TLL1: variants seen among roughly 807,000 people sequenced by gnomAD.
TLL1 encodes the protein tolloid-like protein 1.
Under a neutral mutation model 128.2 loss-of-function variants are expected in TLL1, and 49 were observed. The ratio of observed to expected loss-of-function variants is 0.38; its 90% CI spans 0.30 to 0.48. TLL1 has a LOEUF of 0.48. TLL1 is among the 20% of genes least tolerant of loss of function. The pLI is 0.96. For missense variants in TLL1, 1,123 were observed against 1,242.0 expected, an observed-to-expected ratio of 0.90 and a Z score of 1.44; for synonymous variants, 454 against 418.8, an observed-to-expected ratio of 1.08 and a Z score of -1.03.
At chr4:165,876,756 T>C (rs1579430382) in intron 1 of TLL1, among the ~76,000 whole-genome samples, 1 of 152,224 alleles carries the variant, frequency 6.6e-6, no homozygotes, top group East Asian at 1.9e-4. Flanking sequence ...ATTTGACAAT[T>C]ACACTGCATT....
At chr4:166,044,978 C>A (rs114693093) in intron 12 of TLL1, among the ~76,000 whole-genome samples, 1,857 of 152,166 alleles carry the variant, frequency 0.012, 42 homozygotes, top group African/African-American at 0.042. Flanking sequence ...TGACAGTCTT[C>A]AAAAATAAGA....
chr4:165,967,445 T>C (rs192950823), intron 1 of TLL1, among the ~76,000 whole-genome samples: 3 of 152,326 alleles, frequency 2.0e-5, no homozygotes, highest in African/African-American at 7.2e-5. Context: ...TGTTCAGAGA[T>C]TGCAATAAAG....
At chr4:166,086,196 A>G (rs1243485269) in intron 18 of TLL1, among the ~76,000 whole-genome samples, 1 of 152,124 alleles carries the variant, frequency 6.6e-6, no homozygotes, top group Admixed American at 6.6e-5. Context: ...TTATTTAAAT[A>G]TAATATATAT....
intron 16 of TLL1, 54 bp downstream of exon 16, chr4:166,065,917 G>T (rs899815379): frequency 4.0e-6 from 5 of 1,244,326 alleles, no homozygotes; most frequent in African/African-American, 4.0e-5. Context: ...ATGTGGGTTG[G>T]ATTAAATTGT....
intron 1 of TLL1, among the ~76,000 whole-genome samples, chr4:165,931,697 C>T (rs572423525): frequency 0.013 from 1,540 of 116,132 alleles, 27 homozygotes; most frequent in Middle Eastern, 0.024. Context: ...CCAGCCTGGG[C>T]GACAGAGTAA....
At chr4:166,072,671 G>C (rs1189913303) in intron 16 of TLL1, among the ~76,000 whole-genome samples, 1 of 151,732 alleles carries the variant, frequency 6.6e-6, no homozygotes, top group African/African-American at 2.4e-5. Context: ...TTGGATATTA[G>C]GGATATTTTA....
intron 1 of TLL1, among the ~76,000 whole-genome samples, chr4:165,895,175 A>G (rs1731614261): frequency 6.6e-6 from 1 of 152,158 alleles, no homozygotes; most frequent in South Asian, 2.1e-4. Context: ...CAAGAATAAG[A>G]AATCAAAGGA....
At chr4:165,913,294 C>T (rs529811976) in intron 1 of TLL1, among the ~76,000 whole-genome samples, 1 of 152,230 alleles carries the variant, frequency 6.6e-6, no homozygotes, top group East Asian at 1.9e-4. Context: ...TAGTTTATAT[C>T]CTTATGTTGC....
chr4:165,938,179 G>A (rs1016339605), intron 1 of TLL1, among the ~76,000 whole-genome samples: 4 of 151,996 alleles, frequency 2.6e-5, no homozygotes, highest in African/African-American at 9.7e-5. Context: ...AGATAATAGA[G>A]TGGATGTGTT....
chr4:165,912,121 T>A (rs1310441157), intron 1 of TLL1, among the ~76,000 whole-genome samples: 1 of 152,164 alleles, frequency 6.6e-6, no homozygotes, highest in African/African-American at 2.4e-5. Flanking sequence ...ATGATCTGTC[T>A]GCCTCGGCCT....
intron 1 of TLL1, among the ~76,000 whole-genome samples, chr4:165,877,068 G>A (rs904129629): frequency 1.3e-5 from 2 of 152,124 alleles, no homozygotes; most frequent in East Asian, 1.9e-4. Context: ...AAGATCAAAC[G>A]TGTGTTACCC....
At chr4:166,015,746 G>A (rs1053848552) in intron 8 of TLL1, among the ~76,000 whole-genome samples, 7 of 151,824 alleles carry the variant, frequency 4.6e-5, no homozygotes, top group Non-Finnish European at 7.4e-5. Context: ...TGTATGTGAT[G>A]GTACGTAATT....
Position 165,932,339 on chromosome 4 carries a change from G to A in TLL1, c.170-57042G>A, listed in dbSNP as rs559379687. 2.6e-5 allele frequency among the ~76,000 whole-genome samples: 4 copies of A among 152,270 alleles called. No homozygotes were observed. In the East Asian group the frequency reaches 5.8e-4, roughly 22 times the overall value. On this transcript the variant is annotated intron_variant, in intron 1 of 20. Transcript: ENST00000061240. ...TCCAGGTTGTTTCTTTATACTGAGC[G>A]TTTCTCAGTTGATTAAAAAATGTTG... is the stretch of plus-strand genomic sequence containing the variant.
chr4:166,013,618 A>C (rs375376360), intron 7 of TLL1, among the ~76,000 whole-genome samples: 1 of 151,860 alleles, frequency 6.6e-6, no homozygotes, highest in Non-Finnish European at 1.5e-5. Context: ...ATAGCCTCCC[A>C]GTTCATTTAA....
chr4:166,100,501 G>A (rs1248858859), intron 20 of TLL1, among the ~76,000 whole-genome samples: 2 of 152,044 alleles, frequency 1.3e-5, no homozygotes, highest in South Asian at 2.1e-4. Context: ...AAAATGTAAC[G>A]TATGTTCAGA....
At chr4:165,997,633 C>T (rs1458136430) in intron 5 of TLL1, among the ~76,000 whole-genome samples, 1 of 152,130 alleles carries the variant, frequency 6.6e-6, no homozygotes, top group Non-Finnish European at 1.5e-5. Context: ...TTGTTTCCCA[C>T]CTTATTCTAC....
In TLL1 at chr4:166,089,325, A is replaced by C. The variant is rs1741659223; in HGVS notation, c.2443-1803A>C. Among the ~76,000 whole-genome samples the C allele has an allele frequency of 5.9e-5, 9 of 152,184 alleles. No homozygotes were observed. The South Asian group carries it at 1.9e-3, about 31-fold the overall frequency. ...GTGTATATATGTACACAATGGTAAT[A>C]GAAGCAGACTGCTATTTCATGAGAG... On this transcript the variant is annotated intron_variant, in intron 18 of 20. Transcript: ENST00000061240.
chr4:165,954,404 A>AT (rs1345262742), intron 1 of TLL1, among the ~76,000 whole-genome samples: 2 of 152,160 alleles, frequency 1.3e-5, no homozygotes, highest in Non-Finnish European at 1.5e-5. Flanking sequence ...AATGGAAAAA[A>AT]TTATGACCAC....
chr4:165,966,985 C>G (rs1476768578), intron 1 of TLL1, among the ~76,000 whole-genome samples: 2 of 152,156 alleles, frequency 1.3e-5, no homozygotes, highest in Non-Finnish European at 2.9e-5. Context: ...TACAGAAGAC[C>G]AGGGCTTATT....
Sources: gnomAD v4.1 joint callset for allele counts (sites outside exome capture counted in the v4.1 genomes callset) on GRCh38, gnomAD v4.1.1 for gene constraint, MANE v1.5 for transcripts, NCBI Gene and HGNC (gene_info 2026-07-23, HGNC 2026-07-21) for gene names.